The following NFATC2 variants were observed in gnomAD, a reference collection of about 807,000 sequenced individuals.
NFATC2 encodes nuclear factor of activated T cells 2, also known as nuclear factor of activated T-cells, cytoplasmic 2.
In NFATC2, 22 loss-of-function variants were observed where a neutral mutation model predicts 87.3. That is an observed-to-expected ratio of 0.25 (90% CI 0.18 to 0.36). The LOEUF is 0.36. Ranked by LOEUF, NFATC2 falls within the 10% of genes least tolerant of loss-of-function variation. NFATC2 has a pLI of 1.00. For synonymous variants in NFATC2, 565 were observed against 542.2 expected, an observed-to-expected ratio of 1.04 and a Z score of -0.58; for missense variants, 1,149 against 1,259.1, an observed-to-expected ratio of 0.91 and a Z score of 1.32.
In NFATC2 at chr20:51,421,801, C is replaced by T. The variant is rs545936595; in HGVS notation, c.2722+10266G>A. ...CCGTGTGGGCCAAACAAAATATCTGCGGGCGAAATGCAGCCCATGGAGCAC... is the reference window on the plus strand; with the variant it reads ...CCGTGTGGGCCAAACAAAATATCTGTGGGCGAAATGCAGCCCATGGAGCAC... On this transcript the variant is annotated intron_variant, in intron 9 of 10. Transcript: ENST00000371564. 3.9e-4 allele frequency among the ~76,000 whole-genome samples: 60 copies of T among 152,286 alleles called. 1 individual carries two copies. In the South Asian group the frequency reaches 0.011, roughly 27 times the overall value.
chr20:51,523,178 AG>A lies in NFATC2; in HGVS notation c.1062del (p.Cys355AlafsTer36), dbSNP rs1319707663. On this transcript the variant is annotated frameshift_variant, in exon 2 of 11. Transcript: ENST00000371564. LOFTEE classifies it high-confidence loss of function. This position sits in a 1 kb window ranked among gnomAD's most constrained non-coding sequence, Gnocchi z 6.9. ...HIYPAVEFLG[P>X]CEQGERRNSA... ...GAGTTTCTCCTCTCGCCCTGCTCGC[AG>A]GGCCCCAGGAACTCCACGGCCGGGT... 1 of 1,614,086 alleles carries A rather than the reference AG, an allele frequency of 6.2e-7. No individual in the cohort carries two copies. The highest frequency in any genetic ancestry group is 8.5e-7 in the Non-Finnish European group (1 of 1,180,036).
chr20:51,415,377 G>GTCTCCTCCTTGTCT (rs1979903919), intron 9 of NFATC2, among the ~76,000 whole-genome samples: 1 of 151,956 alleles, frequency 6.6e-6, no homozygotes, highest in African/African-American at 2.4e-5. Context: ...TGCTACTATA[G>GTCTCCTCCTTGTCT]ACAAGGCTGG....
intron 9 of NFATC2, among the ~76,000 whole-genome samples, chr20:51,419,908 T>G (rs1980621166): frequency 6.6e-6 from 1 of 152,102 alleles, no homozygotes; most frequent in Admixed American, 6.5e-5. Flanking sequence ...GAAGTCATAT[T>G]ATTTCAGTCC....
rs769663235 is a variant in NFATC2, at chr20:51,388,965, A to C, written c.*2531T>G. 2 of 152,202 alleles carry C rather than the reference A, an allele frequency of 1.3e-5. No individual in the cohort carries two copies. Among genetic ancestry groups the C allele is most frequent in the Non-Finnish European group, 2.9e-5 (2 of 68,030 alleles). 9.4% of individuals were successfully genotyped at this position (152,202 alleles called of 1,614,324 possible). On this transcript the variant is annotated 3_prime_UTR_variant, in exon 11 of 11. Coordinates refer to ENST00000371564, the MANE Select transcript of NFATC2 (RefSeq NM_012340.5). ...CTTCTTGGCAAAATTTCCTCCTAGC[A>C]TTTGTAACTGACAAAACTTCCTTGA...
intron 1 of NFATC2, among the ~76,000 whole-genome samples, chr20:51,548,057 G>T (rs2076903626): frequency 6.6e-6 from 1 of 152,014 alleles, no homozygotes; most frequent in African/African-American, 2.4e-5. Context: ...AAAGCCCTTG[G>T]TCTGCAAGGC....
rs201202074 is a variant in NFATC2, at chr20:51,549,185, G to GA, written c.70+13374dup. On this transcript the variant is annotated intron_variant, in intron 1 of 10. Transcript: ENST00000414705. ...CCCGTCTCCAAAACAAGGAGTGAGAGAAAAAAAAAGAATATTATAAAAGAC... is the reference window on the plus strand; with the variant it reads ...CCCGTCTCCAAAACAAGGAGTGAGAGAAAAAAAAAAGAATATTATAAAAGAC... 5.3e-3 allele frequency among the ~76,000 whole-genome samples: 798 copies of GA among 150,468 alleles called. 5 individuals carry two copies. The highest frequency in any genetic ancestry group is 0.018 in the African/African-American group (753 of 41,086).
chr20:51,440,485 T>C (rs181862520), intron 6 of NFATC2, among the ~76,000 whole-genome samples: 1 of 152,308 alleles, frequency 6.6e-6, no homozygotes, highest in Non-Finnish European at 1.5e-5. Context: ...ACGAAGTCTG[T>C]TATGGGAGAC....
Position 51,505,484 on chromosome 20 carries a change from T to G in NFATC2, c.1332+11300A>C, listed in dbSNP as rs114038166. Among the ~76,000 whole-genome samples the G allele has an allele frequency of 8.8e-3, 1,340 of 151,920 alleles. 22 individuals are homozygous for G. Among genetic ancestry groups the G allele is most frequent in the African/African-American group, 0.031 (1,272 of 41,414 alleles). On this transcript the variant is annotated intron_variant, in intron 3 of 10. Transcript: ENST00000371564. ...GTATATATATATATATGAATATATATAATTTATATGTGTATTTGTATGTGT... is the reference window on the plus strand; with the variant it reads ...GTATATATATATATATGAATATATAGAATTTATATGTGTATTTGTATGTGT...
chr20:51,452,594 T>C (rs1273370640), intron 6 of NFATC2, among the ~76,000 whole-genome samples: 1 of 152,172 alleles, frequency 6.6e-6, no homozygotes. Context: ...CATGGGTACA[T>C]GAGACTCAAC....
chr20:51,505,453 G>T (rs1483055582), intron 3 of NFATC2, among the ~76,000 whole-genome samples: 12 of 33,842 alleles, frequency 3.5e-4, no homozygotes, highest in African/African-American at 8.3e-4. Context: ...ATATGTGTAG[G>T]TGTGTGTATA....
At chr20:51,495,397 C>G (rs1600868985) in intron 3 of NFATC2, among the ~76,000 whole-genome samples, 1 of 152,312 alleles carries the variant, frequency 6.6e-6, no homozygotes, top group Non-Finnish European at 1.5e-5. Context: ...TGGAAAGCCT[C>G]CTTTCTTAAA....
chr20:51,488,821 G>C (rs1331710850), intron 3 of NFATC2, among the ~76,000 whole-genome samples: 2 of 152,170 alleles, frequency 1.3e-5, no homozygotes, highest in Admixed American at 6.5e-5. Context: ...AGCAGCCAGA[G>C]GGATCTTTTA....
At position 51,457,590 on chromosome 20, in the gene NFATC2, T is replaced by A. The variant is rs1986691029; in HGVS notation, c.1709-2902A>T. ...TACCTCCCTACCTGAAGGAAAACTT[T>A]TTTTTTTTTAATGAAAATTTAAAGA... On this transcript the variant is annotated intron_variant, in intron 5 of 10. Transcript: ENST00000371564. Among the ~76,000 whole-genome samples the A allele has an allele frequency of 8.5e-5, 9 of 106,000 alleles. No homozygotes were observed. The South Asian group carries it at 2.8e-3, about 33-fold the overall frequency. 69.5% of individuals were successfully genotyped at this position (106,000 alleles called of 152,430 possible). A position where few individuals can be genotyped will look rare whatever the true frequency, so the allele number is the denominator to read the frequency against.
chr20:51,453,807 T>C (rs374934633), intron 6 of NFATC2, among the ~76,000 whole-genome samples: 142 of 152,334 alleles, frequency 9.3e-4, no homozygotes, highest in African/African-American at 3.3e-3. Context: ...ATGACTGACA[T>C]GATGGCAACT....
Position 51,398,671 on chromosome 20 carries a change from T to C in NFATC2, c.*16A>G, listed in dbSNP as rs772649198. The C allele has an allele frequency of 2.5e-6, 4 of 1,612,116 alleles. No individual in the cohort carries two copies. Among genetic ancestry groups the C allele is most frequent in the Non-Finnish European group, 1.7e-6 (2 of 1,178,920 alleles). ...TAACTTTGATTTCTCGGATCAAAGA[T>C]CACAGTCATTCTGTTTCATAATATG... On this transcript the variant is annotated 3_prime_UTR_variant, in exon 10 of 11. Coordinates refer to ENST00000371564, the MANE Select transcript of NFATC2 (RefSeq NM_012340.5).
rs1413600587 is a variant in NFATC2, at chr20:51,389,137, G to T, written c.*2359C>A. The T allele has an allele frequency of 6.6e-6, 1 of 152,092 alleles. No individual in the cohort carries two copies. The highest frequency in any genetic ancestry group is 1.5e-5 in the Non-Finnish European group (1 of 68,030). The allele number at this position is 152,092 out of a possible 1,614,324, so 9.4% of individuals were successfully genotyped here. On this transcript the variant is annotated 3_prime_UTR_variant, in exon 11 of 11. Coordinates refer to ENST00000371564, the MANE Select transcript of NFATC2 (RefSeq NM_012340.5). ...CTAAGATGTCTTAGAAAAACAGAGG[G>T]GTTTATTTGTGTGTGTATTACACAC...
intron 1 of NFATC2, among the ~76,000 whole-genome samples, chr20:51,526,407 A>C (rs2076546589): frequency 6.6e-6 from 1 of 152,132 alleles, no homozygotes; most frequent in African/African-American, 2.4e-5. Flanking sequence ...AAAGCCTGAA[A>C]TATTTACTCC....
At chr20:51,463,119 G>A (rs1277211596) in intron 5 of NFATC2, among the ~76,000 whole-genome samples, 2 of 152,256 alleles carry the variant, frequency 1.3e-5, no homozygotes, top group South Asian at 2.1e-4. Flanking sequence ...GCTTGGCCCA[G>A]AATGTGCTGC....
chr20:51,404,786 G>T (rs140274568), intron 9 of NFATC2, among the ~76,000 whole-genome samples: 1 of 152,136 alleles, frequency 6.6e-6, no homozygotes, highest in Non-Finnish European at 1.5e-5. Flanking sequence ...GCCTCACTGC[G>T]CCCTAGTGTG....
Sources: allele counts gnomAD v4.1 joint callset (sites outside exome capture counted in the v4.1 genomes callset), GRCh38; gene constraint gnomAD v4.1.1; non-coding constraint Gnocchi (gnomAD v3.1); transcripts MANE v1.5; gene names NCBI Gene and HGNC (gene_info 2026-07-23, HGNC 2026-07-21).